The following ZBTB7C variants were observed in gnomAD, a reference collection of about 807,000 sequenced individuals.
ZBTB7C encodes zinc finger and BTB domain-containing protein 7C.
ZBTB7C carries 8 observed loss-of-function variants against 25.7 expected under a neutral mutation model. The ratio of observed to expected loss-of-function variants is 0.31; its 90% CI spans 0.18 to 0.56. The LOEUF is 0.56. Ranked by LOEUF, ZBTB7C falls within the 20% of genes least tolerant of loss-of-function variation. ZBTB7C has a pLI of 0.91. For missense variants in ZBTB7C, 824 were observed against 855.2 expected (o/e 0.96, Z 0.46); for synonymous variants, 394 against 369.0 (o/e 1.07, Z -0.78).
chr18:48,093,361 C>T (rs999858842), intron 3 of ZBTB7C, among the ~76,000 whole-genome samples: 2 of 152,250 alleles, frequency 1.3e-5, no homozygotes, highest in African/African-American at 4.8e-5. Context: ...CAGCCCCCAA[C>T]ATGCAGAGCA....
chr18:48,410,904 C>T (rs768460092), upstream of ZBTB7C, among the ~76,000 whole-genome samples: 36 of 152,228 alleles, frequency 2.4e-4, no homozygotes, highest in Non-Finnish European at 4.6e-4. Context: ...GCCTAGTGCC[C>T]ATTCTGGCTA....
At chr18:48,061,482 C>T (rs2037123755) in intron 3 of ZBTB7C, among the ~76,000 whole-genome samples, 2 of 152,204 alleles carry the variant, frequency 1.3e-5, no homozygotes, top group Admixed American at 6.5e-5. Flanking sequence ...GCCCCTCAGG[C>T]AGTTGAGGAC....
At chr18:48,293,677 AT>A (rs978375150) in intron 2 of ZBTB7C, among the ~76,000 whole-genome samples, 1 of 151,818 alleles carries the variant, frequency 6.6e-6, no homozygotes, top group African/African-American at 2.4e-5. Flanking sequence ...TGGACCAAAA[AT>A]GGGGGTAAGA....
intron 1 of ZBTB7C, among the ~76,000 whole-genome samples, chr18:48,377,972 G>C (rs1451021624): frequency 6.6e-6 from 1 of 152,144 alleles, no homozygotes; most frequent in African/African-American, 2.4e-5. Flanking sequence ...AGGAGTTCAA[G>C]ACCAGCCTGT....
At chr18:48,388,240 T>A (rs111867441) in intron 1 of ZBTB7C, among the ~76,000 whole-genome samples, 14 of 152,180 alleles carry the variant, frequency 9.2e-5, no homozygotes, top group African/African-American at 3.4e-4. Context: ...CTCTCTGGTG[T>A]CCTTCTGCTG....
At chr18:48,093,835 C>T (rs574306078) in intron 3 of ZBTB7C, among the ~76,000 whole-genome samples, 92 of 152,318 alleles carry the variant, frequency 6.0e-4, no homozygotes, top group African/African-American at 2.1e-3. Flanking sequence ...GCGGGTAGAT[C>T]ATGAGGTCAG....
chr18:48,161,597 G>A (rs1356972292), intron 3 of ZBTB7C, among the ~76,000 whole-genome samples: 1 of 151,980 alleles, frequency 6.6e-6, no homozygotes, highest in Non-Finnish European at 1.5e-5. Flanking sequence ...AGCAGAATCC[G>A]GGACATGAAG....
At chr18:48,204,533 C>T (rs902419359) in intron 2 of ZBTB7C, among the ~76,000 whole-genome samples, 5 of 152,086 alleles carry the variant, frequency 3.3e-5, no homozygotes, top group South Asian at 2.1e-4. Flanking sequence ...CTGATAGAGC[C>T]GGAACTTAAA....
intron 2 of ZBTB7C, among the ~76,000 whole-genome samples, chr18:48,293,925 C>G (rs1329631887): frequency 6.6e-6 from 1 of 152,214 alleles, no homozygotes; most frequent in Non-Finnish European, 1.5e-5. Flanking sequence ...GCCTTTCAAC[C>G]TTTTGTTTAA....
intron 1 of ZBTB7C, among the ~76,000 whole-genome samples, chr18:48,395,675 C>T (rs576559542): frequency 1.3e-5 from 2 of 152,280 alleles, no homozygotes; most frequent in African/African-American, 4.8e-5. Flanking sequence ...TACCCAGGGA[C>T]TGGGGGCAGA....
chr18:48,255,831 G>C (rs940870937), intron 2 of ZBTB7C, among the ~76,000 whole-genome samples: 1 of 152,096 alleles, frequency 6.6e-6, no homozygotes, highest in Non-Finnish European at 1.5e-5. Flanking sequence ...GTCTTTTTCA[G>C]ATGAAAAATA....
chr18:48,327,964 T>G (rs1458243806), intron 2 of ZBTB7C, among the ~76,000 whole-genome samples: 1 of 151,878 alleles, frequency 6.6e-6, no homozygotes, highest in Admixed American at 6.6e-5. Context: ...ACCCCAGCAC[T>G]TTGGGAGGCC....
intron 3 of ZBTB7C, among the ~76,000 whole-genome samples, chr18:48,133,817 A>G (rs1345385943): frequency 6.6e-6 from 1 of 152,124 alleles, no homozygotes; most frequent in East Asian, 1.9e-4. Context: ...CCCTCCCTCT[A>G]TTCATCTCCA....
chr18:48,367,328 A>G (rs1035089729), intron 1 of ZBTB7C, among the ~76,000 whole-genome samples: 3 of 111,944 alleles, frequency 2.7e-5, no homozygotes, highest in Admixed American at 1.0e-4. Flanking sequence ...ATGTGTGTAT[A>G]TATATACATA....
chr18:48,164,928 T>C (rs1331004769), intron 3 of ZBTB7C, among the ~76,000 whole-genome samples: 1 of 152,138 alleles, frequency 6.6e-6, no homozygotes, highest in East Asian at 1.9e-4. Context: ...CAAATGAAAA[T>C]AGAGAGACAC....
At chr18:48,053,772 G>A (rs1247078972) in intron 3 of ZBTB7C, among the ~76,000 whole-genome samples, 3 of 152,196 alleles carry the variant, frequency 2.0e-5, no homozygotes, top group African/African-American at 7.2e-5. Context: ...CCACAGAAGA[G>A]TGGGAGAGAC....
At chr18:48,292,820 A>G (rs954691654) in intron 2 of ZBTB7C, among the ~76,000 whole-genome samples, 3 of 152,366 alleles carry the variant, frequency 2.0e-5, no homozygotes, top group African/African-American at 7.2e-5. Context: ...TGAGAAAAAG[A>G]AAGCTCCTTC....
chr18:48,114,895 C>T (rs9962927), intron 3 of ZBTB7C, among the ~76,000 whole-genome samples: 32,249 of 151,934 alleles, frequency 0.21, 4,190 homozygotes, highest in African/African-American at 0.36. Flanking sequence ...AATTTTTTTC[C>T]GTTTTTTATT....
Position 48,376,222 on chromosome 18 carries a change from G to A in ZBTB7C, c.-304+33004C>T, listed in dbSNP as rs61266495. On this transcript the variant is annotated intron_variant, in intron 1 of 4. Coordinates refer to ENST00000590800, the MANE Select transcript of ZBTB7C (RefSeq NM_001318841.2). The stretch of plus-strand genomic sequence containing the variant: ...GTTGTGACTGACACTTGTTTAATAT[G>A]TTCTTCTTATGTCCATTCGCATTTT... Among the ~76,000 whole-genome samples the A allele has an allele frequency of 4.5e-3, 689 of 152,316 alleles. 7 individuals carry two copies. The highest frequency in any genetic ancestry group is 0.016 in the African/African-American group (665 of 41,576).
Sources: allele counts gnomAD v4.1 joint callset (sites outside exome capture counted in the v4.1 genomes callset), GRCh38; gene constraint gnomAD v4.1.1; transcripts MANE v1.5; gene names NCBI Gene and HGNC (gene_info 2026-07-23, HGNC 2026-07-21).